Variants in ECD observed in about 807,000 individuals in gnomAD.
ECD encodes ecdysoneless cell cycle regulator.
Under a neutral mutation model 77.2 loss-of-function variants are expected in ECD, and 59 were observed. The ratio of observed to expected loss-of-function variants is 0.76; its 90% CI spans 0.62 to 0.95. The LOEUF (loss-of-function observed/expected upper bound fraction) is 0.95, where lower values mean the gene tolerates loss of function less well. Ranked by LOEUF, ECD falls within the 40% of genes least tolerant of loss-of-function variation. ECD has a pLI of 0.00. For missense variants in ECD, 704 were observed against 763.4 expected (o/e 0.92, Z 0.92); for synonymous variants, 233 against 267.4 (o/e 0.87, Z 1.26).
At position 73,154,425 on chromosome 10, in the gene ECD, G is replaced by A; in HGVS notation, c.614C>T (p.Ser205Leu). The A allele has an allele frequency of 6.2e-7, 1 of 1,610,426 alleles. No individual in the cohort carries two copies. The highest frequency in any genetic ancestry group is 1.7e-4 in the Middle Eastern group (1 of 6,044). ...IRGYPEKIQASLHRAHCFLPA... is the reference protein window; with the variant it reads ...IRGYPEKIQALLHRAHCFLPA... ...AAGGAAGCAGTGTGCTCGATGAAGT[G>A]AGGCCTGAATTTTTTCTGGGTACCT... The change falls in exon 6 of 14, where the codon TCA (serine) becomes TTA (leucine). Residue 205 changes from serine (S) to leucine (L), a missense_variant. Transcript: ENST00000372979.
chr10:73,156,212 A>C (rs1208517001), intron 5 of ECD, 63 bp downstream of exon 5: 1 of 1,439,012 alleles, frequency 6.9e-7, no homozygotes, highest in South Asian at 1.5e-5. Flanking sequence ...AAATCAAAGA[A>C]AGACTGAACT....
chr10:73,143,584 T>C (rs1170967679), intron 9 of ECD, among the ~76,000 whole-genome samples: 1 of 152,198 alleles, frequency 6.6e-6, no homozygotes, highest in Non-Finnish European at 1.5e-5. Flanking sequence ...TATATATTTA[T>C]AGGGTATATG....
chr10:73,156,006 A>C (rs1843291028), intron 5 of ECD, among the ~76,000 whole-genome samples: 1 of 152,236 alleles, frequency 6.6e-6, no homozygotes, highest in East Asian at 1.9e-4. Flanking sequence ...TATTGGGACA[A>C]GATTGTAACA....
intron 9 of ECD, among the ~76,000 whole-genome samples, chr10:73,142,603 C>T (rs1177095203): frequency 1.4e-5 from 2 of 142,790 alleles, no homozygotes; most frequent in Admixed American, 7.4e-5. Flanking sequence ...CACTACACTC[C>T]AGCCTGGTGA....
chr10:73,166,379 T>C (rs7077940), intron 1 of ECD, among the ~76,000 whole-genome samples: 7,304 of 152,276 alleles, frequency 0.048, 551 homozygotes, highest in African/African-American at 0.16. Context: ...GCTCTATTTT[T>C]AGTTTCTTGA....
chr10:73,163,467 A>C (rs924825076), intron 2 of ECD, among the ~76,000 whole-genome samples: 3 of 152,228 alleles, frequency 2.0e-5, no homozygotes, highest in African/African-American at 7.2e-5. Context: ...TAGTGTAGTA[A>C]CTAAAGTTCA....
chr10:73,162,401 G>C (rs888163084), intron 2 of ECD, among the ~76,000 whole-genome samples: 1 of 152,170 alleles, frequency 6.6e-6, no homozygotes, highest in Admixed American at 6.6e-5. Flanking sequence ...TGGGTGGATG[G>C]CAATGCCATT....
chr10:73,146,515 G>A lies in ECD; in HGVS notation c.1042-154C>T, dbSNP rs562252473. On this transcript the variant is annotated intron_variant, in intron 8 of 13. Coordinates refer to ENST00000372979, the MANE Select transcript of ECD (RefSeq NM_007265.3). ...GCCCTGTTTTATCATTAATGGGCCTGTTTGAGCTCCAGTTTCTTCAAATGA... is the reference window on the plus strand; with the variant it reads ...GCCCTGTTTTATCATTAATGGGCCTATTTGAGCTCCAGTTTCTTCAAATGA... Among the ~76,000 whole-genome samples the A allele has an allele frequency of 2.0e-5, 3 of 152,316 alleles. No individual in the cohort carries two copies. In the South Asian group the frequency reaches 6.2e-4, roughly 32 times the overall value.
intron 2 of ECD, among the ~76,000 whole-genome samples, chr10:73,161,662 AG>A (rs1402914332): frequency 6.6e-6 from 1 of 152,194 alleles, no homozygotes; most frequent in Non-Finnish European, 1.5e-5. Flanking sequence ...AAAAAATAAA[AG>A]GGAGGGAATT....
Position 73,139,378 on chromosome 10 carries a change from G to A in ECD, c.1352C>T (p.Thr451Ile), listed in dbSNP as rs1275944269. 7.4e-6 allele frequency: 12 copies of A among 1,614,184 alleles called. No individual in the cohort carries two copies. The highest frequency in any genetic ancestry group is 1.0e-5 in the Non-Finnish European group (12 of 1,180,040). The change falls in exon 11 of 14, where the codon ACT becomes ATT. Residue 451 changes from threonine (T) to isoleucine (I), a missense_variant. Physicochemically the swap from Thr to Ile is moderately conservative, Grantham distance 89 (BLOSUM62 -1). Transcript: ENST00000372979. ...AGCTTTCATGCTCTCTGAGACTTCA[G>A]TTAAGTCATAGTTCTGCTCCTTCTC... Reference protein sequence around the residue: ...KEEKEQNYDLTEVSESMKAFI... With the variant: ...KEEKEQNYDLIEVSESMKAFI...
chr10:73,153,215 T>C (rs1843238797), intron 6 of ECD, among the ~76,000 whole-genome samples: 1 of 151,814 alleles, frequency 6.6e-6, no homozygotes, highest in African/African-American at 2.4e-5. Flanking sequence ...TACCTCAGCC[T>C]CCGAAGTAGC....
rs113656136 is a variant in ECD, at chr10:73,157,946, ATTATTTTATT to A, written c.324-1301_324-1292del. 2.6e-3 allele frequency among the ~76,000 whole-genome samples: 392 copies of A among 150,178 alleles called. 3 individuals are homozygous for A. The highest frequency in any genetic ancestry group is 8.7e-3 in the African/African-American group (350 of 40,456). On this transcript the variant is annotated intron_variant, in intron 3 of 13. Coordinates refer to ENST00000372979, the MANE Select transcript of ECD (RefSeq NM_007265.3). ...GTTCTAGCTCTATACTTCTATTTTT[ATTATTTTATT>A]TTATTTTATTTTATTTTATTTTTGA... is the stretch of plus-strand genomic sequence containing the variant.
chr10:73,137,925 T>C, intron 12 of ECD, 78 bp downstream of exon 12: 1 of 1,090,568 alleles, frequency 9.2e-7, no homozygotes, highest in Non-Finnish European at 1.2e-6. Context: ...TTCTGAGATA[T>C]CTCATAAACC....
intron 9 of ECD, among the ~76,000 whole-genome samples, chr10:73,144,681 T>C (rs1308322020): frequency 6.6e-6 from 1 of 152,128 alleles, no homozygotes; most frequent in Admixed American, 6.5e-5. Flanking sequence ...AAACATACTT[T>C]CACTTTACTC....
Position 73,134,448 on chromosome 10 carries a change from G to T in ECD, c.*135C>A. The T allele has an allele frequency of 1.2e-6, 1 of 837,578 alleles. No individual in the cohort carries two copies. The highest frequency in any genetic ancestry group is 1.8e-6 in the Non-Finnish European group (1 of 546,650). The allele number at this position is 837,578 out of a possible 1,614,324, so 51.9% of individuals were successfully genotyped here. On this transcript the variant is annotated 3_prime_UTR_variant, in exon 14 of 14. Coordinates refer to ENST00000372979, the MANE Select transcript of ECD (RefSeq NM_007265.3). ...ACTTGTGCCAAGAGGGCCACATTTG[G>T]GGCTCATGGAGAAGTCAATCTGTAA...
chr10:73,155,228 G>A (rs931025411), intron 5 of ECD, among the ~76,000 whole-genome samples: 4 of 150,890 alleles, frequency 2.7e-5, no homozygotes, highest in African/African-American at 4.9e-5. Context: ...CACCACGCCC[G>A]GCTAATTTTT....
At chr10:73,167,463 T>C (rs1172966806) in intron 1 of ECD, among the ~76,000 whole-genome samples, 1 of 152,184 alleles carries the variant, frequency 6.6e-6, no homozygotes, top group Non-Finnish European at 1.5e-5. Flanking sequence ...CAGGTGATGC[T>C]TGGTAAAGAA....
rs746823344 is a variant in ECD, at chr10:73,163,763, G to A, written c.175C>T (p.Pro59Ser). The change falls in exon 2 of 14, where the codon CCT becomes TCT. Residue 59 changes from proline to serine, a missense_variant. Transcript: ENST00000372979. Reference sequence around the variant, plus strand: ...CCAGGTTTATATTTAAGATTGAAAGGCTGATTCTGCCAGATGTAGGGGACC... The same window carrying A: ...CCAGGTTTATATTTAAGATTGAAAGACTGATTCTGCCAGATGTAGGGGACC... ...MLVPYIWQNQPFNLKYKPGKG... is the reference protein window; with the variant it reads ...MLVPYIWQNQSFNLKYKPGKG... 2.5e-6 allele frequency: 4 copies of A among 1,613,978 alleles called. No individual in the cohort carries two copies. In the East Asian group the frequency reaches 8.9e-5, roughly 36 times the overall value.
At chr10:73,141,044 T>C (rs1843049906) in intron 9 of ECD, among the ~76,000 whole-genome samples, 2 of 152,050 alleles carry the variant, frequency 1.3e-5, no homozygotes, top group East Asian at 1.9e-4. Context: ...CATTTTCTTA[T>C]TGAGTCCTTT....
Sources: allele counts gnomAD v4.1 joint callset (sites outside exome capture counted in the v4.1 genomes callset), GRCh38; gene constraint gnomAD v4.1.1; transcripts MANE v1.5; gene names NCBI Gene and HGNC (gene_info 2026-07-23, HGNC 2026-07-21).